Variants in UNC13C observed in about 807,000 individuals in gnomAD.
UNC13C encodes protein unc-13 homolog C.
A neutral mutation model predicts 245.4 loss-of-function variants in UNC13C; 174 were observed. The observed-to-expected ratio is 0.71, with a 90% CI of 0.63 to 0.80. The LOEUF is 0.80. UNC13C is among the 30% of genes least tolerant of loss of function. The pLI, the probability that UNC13C is intolerant of heterozygous loss-of-function variation, is 0.00. For synonymous variants in UNC13C, 992 were observed against 895.1 expected, an observed-to-expected ratio of 1.11 and a Z score of -1.93; for missense variants, 2,829 against 2,602.9, an observed-to-expected ratio of 1.09 and a Z score of -1.89.
chr15:54,064,284 C>T (rs552088053), intron 2 of UNC13C, among the ~76,000 whole-genome samples: 94 of 152,270 alleles, frequency 6.2e-4, no homozygotes, highest in African/African-American at 1.9e-3. Context: ...TTATTTCTGC[C>T]TGTAAATAGA....
intron 2 of UNC13C, chr15:54,051,023 A>G (rs1346118968): frequency 2.6e-6 from 1 of 388,780 alleles, no homozygotes; most frequent in Non-Finnish European, 5.1e-6. Flanking sequence ...CTTCTTGACT[A>G]TTAGTCTTTT....
At chr15:54,403,492 C>G (rs1045062685) in intron 18 of UNC13C, among the ~76,000 whole-genome samples, 25 of 151,972 alleles carry the variant, frequency 1.6e-4, no homozygotes, top group African/African-American at 6.0e-4. Flanking sequence ...GAACCCGAGG[C>G]AGGAGGATTT....
intron 25 of UNC13C, 23 bp from the exon 26 acceptor site, chr15:54,532,894 G>T: frequency 2.1e-6 from 3 of 1,428,784 alleles, no homozygotes; most frequent in South Asian, 2.6e-5. Context: ...TTATATTTTA[G>T]AATTTATATT....
At position 54,567,811 on chromosome 15, in the gene UNC13C, T is replaced by C; in HGVS notation, c.5970T>C (p.His1990=). ...TTTTTTCTTTGTAGCAATACTTTCATGCAGGAGGAAATGGCCTGAAAAAGA... is the reference window on the plus strand; with the variant it reads ...TTTTTTCTTTGTAGCAATACTTTCACGCAGGAGGAAATGGCCTGAAAAAGA... ...VVLATIKQYF[H]AGGNGLKKNF... Residue 1990 remains histidine, a synonymous_variant, in exon 30 of 33, where the codon CAT becomes CAC. Transcript: ENST00000260323. The C allele has an allele frequency of 1.9e-6, 3 of 1,599,306 alleles. No individual in the cohort carries two copies. The highest frequency in any genetic ancestry group is 1.7e-6 in the Non-Finnish European group (2 of 1,172,438).
chr15:54,143,040 G>T lies in UNC13C; in HGVS notation c.3006G>T (p.Lys1002Asn), dbSNP rs374238210. The change falls in exon 3 of 33, where the codon AAG becomes AAT. Residue 1002 changes from lysine (K) to asparagine (N), a missense_variant and splice_region_variant. By Grantham distance (94) the Lys-to-Asn change is moderately conservative. Coordinates refer to ENST00000260323, the MANE Select transcript of UNC13C (RefSeq NM_001080534.3). ...CAGATAGCAGTTCTGTGGATGAAAA[G>T]GTTTTAAATCATACTTATTCTTCCC... ...LAGDSSSVDEKARIVSGNDLD... is the reference protein window; with the variant it reads ...LAGDSSSVDENARIVSGNDLD... 1.1e-5 allele frequency: 18 copies of T among 1,610,942 alleles called. No individual in the cohort carries two copies. Among genetic ancestry groups the T allele is most frequent in the African/African-American group, 2.7e-5 (2 of 74,872 alleles).
At chr15:54,255,022 A>G (rs2036244250) in intron 8 of UNC13C, among the ~76,000 whole-genome samples, 1 of 152,142 alleles carries the variant, frequency 6.6e-6, no homozygotes, top group African/African-American at 2.4e-5. Context: ...GATGGGGTGT[A>G]GCTCGCTTCT....
the UNC13C span, among the ~76,000 whole-genome samples, chr15:53,860,433 A>G: frequency 1.3e-5 from 2 of 152,206 alleles, no homozygotes; most frequent in African/African-American, 2.4e-5. Flanking sequence ...GAATCATGAT[A>G]AATGAATTAA....
chr15:53,900,207 A>C, the UNC13C span, among the ~76,000 whole-genome samples: 2 of 149,896 alleles, frequency 1.3e-5, no homozygotes, highest in East Asian at 2.0e-4. Context: ...ATAATTTTTT[A>C]GTATTAAAAT....
At chr15:54,391,704 T>C (rs983169525) in intron 17 of UNC13C, among the ~76,000 whole-genome samples, 5 of 152,140 alleles carry the variant, frequency 3.3e-5, no homozygotes, top group Non-Finnish European at 7.4e-5. Context: ...TTAACATCTG[T>C]TGCATTTCAA....
At chr15:54,585,685 A>G (rs1898454471) in intron 30 of UNC13C, among the ~76,000 whole-genome samples, 1 of 152,186 alleles carries the variant, frequency 6.6e-6, no homozygotes. Flanking sequence ...AAGAGAAAGA[A>G]CACAGTTTTA....
At chr15:54,122,347 T>G (rs2030726700) in intron 2 of UNC13C, among the ~76,000 whole-genome samples, 1 of 152,028 alleles carries the variant, frequency 6.6e-6, no homozygotes, top group Non-Finnish European at 1.5e-5. Flanking sequence ...TTAGTTAGTT[T>G]TTGGTAGTTG....
At chr15:54,619,658 G>A (rs1900670882) in intron 30 of UNC13C, among the ~76,000 whole-genome samples, 1 of 152,126 alleles carries the variant, frequency 6.6e-6, no homozygotes, top group South Asian at 2.1e-4. Flanking sequence ...ATATACCATG[G>A]TAACTGAAAT....
chr15:54,329,691 C>A (rs2038389878), intron 14 of UNC13C, among the ~76,000 whole-genome samples: 1 of 151,976 alleles, frequency 6.6e-6, no homozygotes, highest in African/African-American at 2.4e-5. Flanking sequence ...TATGAAAATT[C>A]AATCAGCAGC....
intron 21 of UNC13C, 22 bp downstream of exon 21, chr15:54,500,197 A>G: frequency 1.9e-6 from 3 of 1,541,832 alleles, no homozygotes; most frequent in East Asian, 4.5e-5. Flanking sequence ...TTACCTTAAG[A>G]AAGTTCATTG....
chr15:53,869,724 G>A, the UNC13C span, among the ~76,000 whole-genome samples: 8 of 150,886 alleles, frequency 5.3e-5, no homozygotes, highest in Admixed American at 1.3e-4. Context: ...GAGTAGCAGC[G>A]GCAGCCCCCT....
the UNC13C span, among the ~76,000 whole-genome samples, chr15:53,956,579 A>T: frequency 0.29 from 33,772 of 117,800 alleles, 7,883 homozygotes; most frequent in East Asian, 0.54. Context: ...TACTTAGAAC[A>T]GAAGCTTCAT....
chr15:54,001,129 A>G (rs1383077390), intron 1 of UNC13C, among the ~76,000 whole-genome samples: 1 of 152,192 alleles, frequency 6.6e-6, no homozygotes, highest in African/African-American at 2.4e-5. Context: ...AGTTCATGAC[A>G]GGTTTTGATA....
intron 17 of UNC13C, among the ~76,000 whole-genome samples, chr15:54,343,392 C>T (rs1471263447): frequency 1.3e-5 from 2 of 152,084 alleles, no homozygotes; most frequent in Non-Finnish European, 2.9e-5. Context: ...CTCAGCCTCC[C>T]AAAGTGCTGC....
chr15:53,968,497 G>T, the UNC13C span, among the ~76,000 whole-genome samples: 1 of 152,128 alleles, frequency 6.6e-6, no homozygotes, highest in Non-Finnish European at 1.5e-5. Flanking sequence ...TATATTGGGT[G>T]ACAAAGGAAA....
Sources: gnomAD v4.1 joint callset for allele counts (sites outside exome capture counted in the v4.1 genomes callset) on GRCh38, gnomAD v4.1.1 for gene constraint, MANE v1.5 for transcripts, NCBI Gene and HGNC (gene_info 2026-07-23, HGNC 2026-07-21) for gene names.